Variants in NUP210 observed in about 807,000 individuals in gnomAD.
NUP210 encodes nucleoporin 210, also known as nuclear pore membrane glycoprotein 210.
A neutral mutation model predicts 196.0 loss-of-function variants in NUP210; 151 were observed. The observed-to-expected ratio is 0.77, with a 90% CI of 0.67 to 0.88. The LOEUF (loss-of-function observed/expected upper bound fraction) is 0.88. NUP210 is among the 40% of genes least tolerant of loss of function. The pLI, the probability that NUP210 is intolerant of heterozygous loss-of-function variation, is 0.00. For synonymous variants in NUP210, 1,070 were observed against 1,052.7 expected (o/e 1.02, Z -0.32); for missense variants, 2,314 against 2,493.7 (o/e 0.93, Z 1.53).
Position 13,352,170 on chromosome 3 carries a change from C to G in NUP210, c.2643G>C (p.Val881=). 1 of 1,613,266 alleles carries G rather than the reference C, an allele frequency of 6.2e-7. No individual in the cohort carries two copies. Residue 881 remains valine (V), a synonymous_variant, in exon 19 of 40, where the codon GTG becomes GTC. Coordinates refer to ENST00000254508, the MANE Select transcript of NUP210 (RefSeq NM_024923.4). ...TGAGCTCTATGGAGGCCGACAGAGG[C>G]ACCAGAGGGTCATGCTGAAGGACAA... The part of the protein sequence containing the change: ...ARTKQPHDPL[V]PLSASIELIL...
chr3:13,372,085 G>A, intron 12 of NUP210, 53 bp from the exon 13 acceptor site: 3 of 1,445,390 alleles, frequency 2.1e-6, no homozygotes, highest in East Asian at 2.5e-5. Context: ...GAGAGGCAGG[G>A]CCTGTTGCTC....
At chr3:13,341,667 CT>C in intron 23 of NUP210, 80 bp downstream of exon 23, 1 of 1,488,622 alleles carries the variant, frequency 6.7e-7, no homozygotes, top group Admixed American at 1.8e-5. Flanking sequence ...TCTACAGTAG[CT>C]TCCTGGACTG....
chr3:13,321,078 G>A (rs1696508774), intron 36 of NUP210, among the ~76,000 whole-genome samples: 1 of 152,248 alleles, frequency 6.6e-6, no homozygotes. Context: ...GGAGCAGGCG[G>A]AAATGCCGAG....
intron 1 of NUP210, among the ~76,000 whole-genome samples, chr3:13,400,281 G>A (rs1699791869): frequency 6.6e-6 from 1 of 152,118 alleles, no homozygotes; most frequent in African/African-American, 2.4e-5. Flanking sequence ...TCTAGCCCAG[G>A]CCTGGCGCAC....
In NUP210 at chr3:13,347,051, G is replaced by T; in HGVS notation, c.2836-3748C>A. 2 of 985,360 alleles carry T rather than the reference G, an allele frequency of 2.0e-6. No individual in the cohort carries two copies. Among genetic ancestry groups the T allele is most frequent in the Non-Finnish European group, 1.2e-6 (1 of 829,884 alleles). The allele number at this position is 985,360 out of a possible 1,614,324, so 61.0% of individuals were successfully genotyped here. On this transcript the variant is annotated intron_variant, in intron 20 of 39. Coordinates refer to ENST00000254508, the MANE Select transcript of NUP210 (RefSeq NM_024923.4). The surrounding 1 kb of genome is among the most constrained non-coding windows in gnomAD (Gnocchi z 4.7). Reference sequence around the variant, plus strand: ...GCACCTGACTTCAGGCCCTGCAATTGCCACCCACTCCCCACTCATCCTGGA... The same window carrying T: ...GCACCTGACTTCAGGCCCTGCAATTTCCACCCACTCCCCACTCATCCTGGA...
At chr3:13,385,619 G>A (rs923935748) in intron 6 of NUP210, among the ~76,000 whole-genome samples, 6 of 152,234 alleles carry the variant, frequency 3.9e-5, no homozygotes, top group South Asian at 2.1e-4. Context: ...GTTGCAGACC[G>A]GGGCAAAGCC....
intron 20 of NUP210, among the ~76,000 whole-genome samples, chr3:13,346,654 C>T (rs140401669): frequency 8.3e-4 from 127 of 152,314 alleles, no homozygotes; most frequent in Non-Finnish European, 1.2e-3. Context: ...CACATCATCT[C>T]GGTCCCCGCT....
chr3:13,320,079 C>T, intron 36 of NUP210, 100 bp from the exon 37 acceptor site: 2 of 1,074,912 alleles, frequency 1.9e-6, no homozygotes, highest in Non-Finnish European at 2.7e-6. Flanking sequence ...CTCTGCATGG[C>T]CATCTCTGGA....
intron 31 of NUP210, among the ~76,000 whole-genome samples, chr3:13,328,397 A>G (rs1187417369): frequency 6.6e-6 from 1 of 152,224 alleles, no homozygotes; most frequent in Non-Finnish European, 1.5e-5. Flanking sequence ...TCTTTCCATA[A>G]GGCAACACCC....
intron 20 of NUP210, chr3:13,345,250 T>C (rs1219204630): frequency 8.1e-6 from 8 of 985,040 alleles, no homozygotes; most frequent in Non-Finnish European, 9.6e-6. Flanking sequence ...GCAACCCTCA[T>C]GGACCTTCAC....
intron 4 of NUP210, among the ~76,000 whole-genome samples, chr3:13,390,336 A>G (rs1047718657): frequency 6.6e-6 from 1 of 152,210 alleles, no homozygotes; most frequent in Non-Finnish European, 1.5e-5. Flanking sequence ...AAAAGATTCA[A>G]AAACAACTTT....
intron 25 of NUP210, 67 bp from the exon 26 acceptor site, chr3:13,337,984 C>T (rs1025378295): frequency 6.9e-7 from 1 of 1,453,864 alleles, no homozygotes; most frequent in Non-Finnish European, 9.5e-7. Flanking sequence ...CAGGAAGGGA[C>T]CCCTCAAGGG....
chr3:13,377,160 G>C (rs1036044232), intron 9 of NUP210, among the ~76,000 whole-genome samples: 1 of 152,112 alleles, frequency 6.6e-6, no homozygotes, highest in South Asian at 2.1e-4. Flanking sequence ...GGAGAGTGGC[G>C]GGCAGAGACC....
At chr3:13,356,191 T>C (rs750631913) in intron 16 of NUP210, among the ~76,000 whole-genome samples, 12 of 152,218 alleles carry the variant, frequency 7.9e-5, no homozygotes, top group Non-Finnish European at 1.8e-4. Flanking sequence ...TGAGCCTGGC[T>C]CTACCTTGTC....
At position 13,358,376 on chromosome 3, in the gene NUP210, C is replaced by T; in HGVS notation, c.2174G>A (p.Gly725Glu). The T allele has an allele frequency of 6.2e-7, 1 of 1,612,110 alleles. No individual in the cohort carries two copies. The highest frequency in any genetic ancestry group is 1.7e-5 in the Admixed American group (1 of 59,840). The change falls in exon 16 of 40, where the codon GGG (glycine) becomes GAG (glutamate). Residue 725 changes from glycine (G) to glutamate (E), a missense_variant. Transcript: ENST00000254508. ...GGGGTTGGTGAGGCTGGGCTTGTTC[C>T]CCACCGACAGGGCGATGACCTGGTA... ...LGEQVIALSV[G>E]NKPSLTNPFP...
chr3:13,373,896 G>A (rs1698812137), intron 11 of NUP210, 23 bp from the exon 12 acceptor site: 3 of 1,610,288 alleles, frequency 1.9e-6, no homozygotes, highest in Non-Finnish European at 2.5e-6. Flanking sequence ...AGCCATCACA[G>A]GACCAGCCAC....
chr3:13,341,901 G>A lies in NUP210; in HGVS notation c.3093-18C>T. ...CAAGGGCCCTGAAACAGAGGGAAGG[G>A]CTGGGACTTCTCCAAGACCACCCCG... On this transcript the variant is annotated intron_variant, in intron 22 of 39. Transcript: ENST00000254508. 1.9e-6 allele frequency: 3 copies of A among 1,614,092 alleles called. No homozygotes were observed. The highest frequency in any genetic ancestry group is 2.5e-6 in the Non-Finnish European group (3 of 1,179,962).
chr3:13,336,750 G>A (rs1319400443), intron 27 of NUP210, 37 bp downstream of exon 27: 1 of 1,603,076 alleles, frequency 6.2e-7, no homozygotes, highest in South Asian at 1.1e-5. Context: ...CCTGGGACAG[G>A]GGTGGGAGGT....
intron 5 of NUP210, among the ~76,000 whole-genome samples, chr3:13,386,978 G>C (rs1189073626): frequency 6.6e-6 from 1 of 152,214 alleles, no homozygotes; most frequent in Non-Finnish European, 1.5e-5. Context: ...TTAGGTACTG[G>C]ATTCTCCAGA....
Sources: gnomAD v4.1 joint callset for allele counts (sites outside exome capture counted in the v4.1 genomes callset) on GRCh38, gnomAD v4.1.1 for gene constraint, Gnocchi (gnomAD v3.1) non-coding constraint, MANE v1.5 for transcripts, NCBI Gene and HGNC (gene_info 2026-07-23, HGNC 2026-07-21) for gene names.